PIGB: variants seen among roughly 807,000 people sequenced by gnomAD.
PIGB encodes phosphatidylinositol glycan anchor biosynthesis class B, also known as GPI alpha-1,2-mannosyltransferase 3.
PIGB carries 58 observed loss-of-function variants against 68.4 expected under a neutral mutation model. That is an observed-to-expected ratio of 0.85 (90% confidence interval 0.69 to 1.06). The LOEUF is 1.06. PIGB is among the 50% of genes least tolerant of loss of function. The probability of loss-of-function intolerance (pLI) is 0.00; values close to 1 mark genes in which losing one functional copy is unlikely to be tolerated. For missense variants in PIGB, 634 were observed against 655.8 expected (o/e 0.97, Z 0.36); for synonymous variants, 219 against 220.5 (o/e 0.99, Z 0.06).
intron 7 of PIGB, 110 bp downstream of exon 7, chr15:55,339,428 T>A (rs1018552254): frequency 1.5e-6 from 1 of 675,138 alleles, no homozygotes; most frequent in South Asian, 1.9e-5. Context: ...ACAAAAGACT[T>A]CTAGGCATAT....
At chr15:55,327,172 T>G (rs151115053) in intron 3 of PIGB, among the ~76,000 whole-genome samples, 1 of 148,444 alleles carries the variant, frequency 6.7e-6, no homozygotes, top group Admixed American at 6.8e-5. Context: ...GTCATATATA[T>G]GCACACATAC....
rs2055479279 is a variant in PIGB at position 55,333,916 on chromosome 15, G to T, written c.703G>T (p.Ala235Ser). 3 of 1,608,928 alleles carry T rather than the reference G, an allele frequency of 1.9e-6. No homozygotes were observed. The highest frequency in any genetic ancestry group is 2.5e-6 in the Non-Finnish European group (3 of 1,177,604). The change falls in exon 6 of 12, where the codon GCT becomes TCT. Residue 235 changes from alanine (A) to serine (S), a missense_variant. Transcript: ENST00000164305. ...VALAFIIRPT[A>S]VILWTPLLFR... ...ACTTGCCTTCATAATTCGTCCCACA[G>T]CTGTCATTCTGTGGACACCTTTGCT...
rs373016926 is a variant in PIGB, at chr15:55,333,878, C to T, written c.665C>T (p.Ser222Leu). Residue 222 changes from serine (S) to leucine (L), a missense_variant, in exon 6 of 12, where the codon TCA (serine) becomes TTA (leucine). Physicochemically the swap from Ser to Leu is moderately radical, Grantham distance 145. Transcript: ENST00000164305. ...GSKSMNSVKYSSLVALAFIIR... is the reference protein window; with the variant it reads ...GSKSMNSVKYLSLVALAFIIR... ...TTTTCCTCTTATAGTGTCAAATACT[C>T]ATCCCTGGTGGCACTTGCCTTCATA... 1.9e-6 allele frequency: 3 copies of T among 1,599,666 alleles called. No individual in the cohort carries two copies. The highest frequency in any genetic ancestry group is 2.6e-6 in the Non-Finnish European group (3 of 1,173,604).
Position 55,354,892 on chromosome 15 carries a change from C to T in PIGB, c.1432C>T (p.Leu478=), listed in dbSNP as rs187070265. 6.2e-7 allele frequency: 1 copy of T among 1,613,438 alleles called. No homozygotes were observed. Among genetic ancestry groups the T allele is most frequent in the Non-Finnish European group, 8.5e-7 (1 of 1,179,610 alleles). Residue 478 remains leucine (L), a synonymous_variant, in exon 11 of 12, where the codon CTA becomes TTA. Transcript: ENST00000164305. ...TCTTGATGAAGCAGATGTATTTTAC[C>T]TAAATCCCTTAAACTGGTTACATAG... The part of the protein sequence containing the change: ...HYLDEADVFY[L]NPLNWLHREF...
intron 6 of PIGB, among the ~76,000 whole-genome samples, chr15:55,334,716 G>A (rs1352608716): frequency 6.6e-6 from 1 of 151,922 alleles, no homozygotes; most frequent in African/African-American, 2.4e-5. Context: ...TTCTCTGTTT[G>A]GCTATATATA....
intron 9 of PIGB, among the ~76,000 whole-genome samples, chr15:55,347,979 GTTTCTTTTTTT>G (rs1039426697): frequency 7.9e-6 from 1 of 126,328 alleles, no homozygotes; most frequent in African/African-American, 3.0e-5. Context: ...TAGTGCCATA[GTTTCTTTTTTT>G]TTTTTTTTTT....
chr15:55,323,695 A>T (rs528794558), intron 3 of PIGB, among the ~76,000 whole-genome samples: 16 of 152,384 alleles, frequency 1.0e-4, no homozygotes, highest in African/African-American at 3.8e-4. Flanking sequence ...TGGGTTAGAC[A>T]AGATGAAATT....
At chr15:55,349,002 G>C (rs1566959223) in intron 9 of PIGB, among the ~76,000 whole-genome samples, 2 of 151,016 alleles carry the variant, frequency 1.3e-5, no homozygotes, top group African/African-American at 4.9e-5. Flanking sequence ...CTGGAGTGCA[G>C]TGGCGTGATC....
chr15:55,342,586 T>G (rs1275054030), intron 9 of PIGB, among the ~76,000 whole-genome samples: 1 of 152,152 alleles, frequency 6.6e-6, no homozygotes, highest in Admixed American at 6.5e-5. Context: ...GAGACAGGGT[T>G]TCACCGTGTT....
rs1193473392 is a variant in PIGB, at chr15:55,327,642, C to A, written c.522+7C>A. The A allele has an allele frequency of 1.3e-6, 2 of 1,530,312 alleles. No homozygotes were observed. Among genetic ancestry groups the A allele is most frequent in the South Asian group, 1.1e-5 (1 of 88,010 alleles). The allele number at this position is 1,530,312 out of a possible 1,614,324, so 94.8% of individuals were successfully genotyped here. On this transcript the variant is annotated splice_region_variant and intron_variant, in intron 4 of 11. Coordinates refer to ENST00000164305, the MANE Select transcript of PIGB (RefSeq NM_004855.5). ...GGAAGTGGCAAGATGGGTGGTAAGTCCTAAATACTTTAGAAGCTGTATGCC... is the reference window on the plus strand; with the variant it reads ...GGAAGTGGCAAGATGGGTGGTAAGTACTAAATACTTTAGAAGCTGTATGCC...
chr15:55,333,137 AGCAT>A (rs2055456096), intron 5 of PIGB, among the ~76,000 whole-genome samples: 1 of 152,112 alleles, frequency 6.6e-6, no homozygotes, highest in Non-Finnish European at 1.5e-5. Flanking sequence ...TGAGGTAAAA[AGCAT>A]GCTTTTTAGC....
intron 4 of PIGB, among the ~76,000 whole-genome samples, chr15:55,328,705 C>A (rs2055344684): frequency 6.6e-6 from 1 of 152,128 alleles, no homozygotes; most frequent in African/African-American, 2.4e-5. Flanking sequence ...TGGTGGCTCA[C>A]CCCTATAATC....
At chr15:55,327,258 CAT>C (rs72368286) in intron 3 of PIGB, among the ~76,000 whole-genome samples, 7,362 of 146,698 alleles carry the variant, frequency 0.05, 548 homozygotes, top group African/African-American at 0.17. Flanking sequence ...TTATATATAA[CAT>C]ATGTGTATAT....
intron 3 of PIGB, among the ~76,000 whole-genome samples, chr15:55,323,014 T>C (rs747273669): frequency 2.7e-4 from 41 of 152,258 alleles, no homozygotes; most frequent in South Asian, 4.1e-4. Context: ...CCTCCATCTG[T>C]AGCTGACCCA....
At chr15:55,330,818 T>A (rs889408547) in intron 5 of PIGB, among the ~76,000 whole-genome samples, 1 of 152,198 alleles carries the variant, frequency 6.6e-6, no homozygotes, top group Non-Finnish European at 1.5e-5. Flanking sequence ...AAAAGGTTGT[T>A]AGGATGATCA....
chr15:55,326,924 C>T (rs940820847), intron 3 of PIGB, among the ~76,000 whole-genome samples: 3 of 150,370 alleles, frequency 2.0e-5, no homozygotes, highest in African/African-American at 7.3e-5. Flanking sequence ...CACAGTGGCT[C>T]ACGCTTGTAA....
chr15:55,329,664 A>G, intron 4 of PIGB, 60 bp from the exon 5 acceptor site: 1 of 1,311,564 alleles, frequency 7.6e-7, no homozygotes, highest in Middle Eastern at 1.9e-4. Context: ...TTAGAAGATA[A>G]TATGTACTAA....
At chr15:55,349,676 G>A (rs1420842728) in intron 9 of PIGB, 1 of 152,152 alleles carries the variant, frequency 6.6e-6, no homozygotes, top group Non-Finnish European at 1.5e-5. Context: ...AACTGTGGAT[G>A]ATATTAACAT....
chr15:55,324,754 T>G, intron 3 of PIGB: 1 of 946,700 alleles, frequency 1.1e-6, no homozygotes, highest in Non-Finnish European at 1.3e-6. Flanking sequence ...GTAGCCAAAT[T>G]GACTTTTCAT....
Sources: allele counts gnomAD v4.1 joint callset (sites outside exome capture counted in the v4.1 genomes callset), GRCh38; gene constraint gnomAD v4.1.1; transcripts MANE v1.5; gene names NCBI Gene and HGNC (gene_info 2026-07-23, HGNC 2026-07-21).